The following SLC25A51 variants were observed in gnomAD, a reference collection of about 807,000 sequenced individuals.
SLC25A51 encodes the protein mitochondrial nicotinamide adenine dinucleotide transporter SLC25A51.
SLC25A51 carries 11 observed loss-of-function variants against 19.1 expected under a neutral mutation model. The ratio of observed to expected loss-of-function variants is 0.58; its 90% CI spans 0.36 to 0.96. The LOEUF (loss-of-function observed/expected upper bound fraction) is 0.96, where lower values mean the gene tolerates loss of function less well. SLC25A51 is among the 40% of genes least tolerant of loss of function. The probability of loss-of-function intolerance (pLI) is 0.01; values close to 1 mark genes in which losing one functional copy is unlikely to be tolerated. For missense variants in SLC25A51, 201 were observed against 365.4 expected (o/e 0.55, Z 3.67); for synonymous variants, 105 against 133.6 (o/e 0.79, Z 1.47).
At chr9:37,894,774 C>A (rs975458284) in intron 2 of SLC25A51, among the ~76,000 whole-genome samples, 2 of 152,152 alleles carry the variant, frequency 1.3e-5, no homozygotes, top group African/African-American at 4.8e-5. Context: ...CTCCTCCCAC[C>A]CTCCACCCTC....
At chr9:37,896,727 C>T (rs1042403982) in intron 2 of SLC25A51, among the ~76,000 whole-genome samples, 6 of 152,104 alleles carry the variant, frequency 3.9e-5, no homozygotes, top group African/African-American at 1.2e-4. Flanking sequence ...ACCCAGGAGG[C>T]GGAGGTTGCA....
At chr9:37,891,867 TTTA>T (rs1831596680) in intron 2 of SLC25A51, among the ~76,000 whole-genome samples, 1 of 132,778 alleles carries the variant, frequency 7.5e-6, no homozygotes, top group Non-Finnish European at 1.6e-5. Flanking sequence ...AAAAAAAAAT[TTTA>T]TATATATATA....
intron 2 of SLC25A51, among the ~76,000 whole-genome samples, chr9:37,893,080 G>A (rs1831635066): frequency 6.6e-6 from 1 of 152,062 alleles, no homozygotes; most frequent in Non-Finnish European, 1.5e-5. Context: ...GTTTCACCAT[G>A]TTGCCCAGGC....
intron 2 of SLC25A51, 62 bp downstream of exon 2, chr9:37,899,767 T>C (rs918803830): frequency 1.5e-5 from 1 of 66,918 alleles, no homozygotes; most frequent in African/African-American, 6.8e-5. Context: ...ACCCCCATCA[T>C]ACTGTAGAAC....
downstream of SLC25A51, among the ~76,000 whole-genome samples, chr9:37,886,960 G>A (rs1237316139): frequency 1.3e-5 from 2 of 150,074 alleles, no homozygotes; most frequent in African/African-American, 2.5e-5. Flanking sequence ...TCAGGAGATC[G>A]AGACCATCCT....
downstream of SLC25A51, among the ~76,000 whole-genome samples, chr9:37,882,850 A>ATT (rs796401584): frequency 2.0e-5 from 3 of 148,874 alleles, no homozygotes; most frequent in African/African-American, 7.4e-5. Context: ...TGCCTTTTCA[A>ATT]TTTTTTTTTT....
chr9:37,886,635 G>T (rs1831463180), downstream of SLC25A51, among the ~76,000 whole-genome samples: 1 of 152,180 alleles, frequency 6.6e-6, no homozygotes, highest in Non-Finnish European at 1.5e-5. Context: ...AGGGGGAAAT[G>T]GTTTCCCTCC....
chr9:37,899,124 G>A (rs183807429), intron 2 of SLC25A51, among the ~76,000 whole-genome samples: 1 of 152,320 alleles, frequency 6.6e-6, no homozygotes, highest in Non-Finnish European at 1.5e-5. Flanking sequence ...CTAACAACAT[G>A]TAAAGTGCCC....
intron 2 of SLC25A51, among the ~76,000 whole-genome samples, chr9:37,892,932 T>G (rs549486133): frequency 6.6e-6 from 1 of 152,124 alleles, no homozygotes; most frequent in African/African-American, 2.4e-5. Flanking sequence ...TAAAGACAGA[T>G]TTTTGCTGTG....
chr9:37,895,651 T>C (rs1016081516), intron 2 of SLC25A51, among the ~76,000 whole-genome samples: 2 of 152,206 alleles, frequency 1.3e-5, no homozygotes, highest in African/African-American at 4.8e-5. Context: ...CAAATGAATC[T>C]ATTTTAGTCA....
downstream of SLC25A51, chr9:37,886,434 T>C (rs1477774907): frequency 6.5e-7 from 1 of 1,537,610 alleles, no homozygotes; most frequent in African/African-American, 1.4e-5. Flanking sequence ...AATTCCAGGC[T>C]CTTTCCATAA....
rs747842414 is a variant in SLC25A51 at position 37,888,313 on chromosome 9, A to G, written c.238T>C (p.Leu80=). The change falls in exon 3 of 3, where the codon TTG becomes CTG. Residue 80 remains leucine (L), a synonymous_variant. Coordinates refer to ENST00000242275, the MANE Select transcript of SLC25A51 (RefSeq NM_033412.4). ...LQLRRDGFRN[L]YRGILPPLMQ... ...AATGGGGGAAGGATTCCACGATACA[A>G]ATTTCGAAATCCATCCCTTCTCAAC... 6.2e-7 allele frequency: 1 copy of G among 1,614,196 alleles called. No homozygotes were observed. The highest frequency in any genetic ancestry group is 8.5e-7 in the Non-Finnish European group (1 of 1,180,044).
downstream of SLC25A51, chr9:37,885,683 G>A: frequency 7.7e-7 from 1 of 1,303,652 alleles, no homozygotes. Flanking sequence ...CGAAACCGGA[G>A]AGAGAAGCGG....
At chr9:37,896,284 G>T (rs1319607094) in intron 2 of SLC25A51, among the ~76,000 whole-genome samples, 1 of 151,728 alleles carries the variant, frequency 6.6e-6, no homozygotes, top group Non-Finnish European at 1.5e-5. Context: ...TTTCCACAAA[G>T]AGCCTGGTAT....
chr9:37,889,271 T>A (rs964917869), intron 2 of SLC25A51, among the ~76,000 whole-genome samples: 1 of 152,226 alleles, frequency 6.6e-6, no homozygotes, highest in Non-Finnish European at 1.5e-5. Flanking sequence ...ATTCTATTCA[T>A]ATTTATACTT....
chr9:37,901,967 T>C (rs1831858175), intron 1 of SLC25A51, among the ~76,000 whole-genome samples: 1 of 152,270 alleles, frequency 6.6e-6, no homozygotes, highest in African/African-American at 2.4e-5. Context: ...TGCTTTGCAC[T>C]TCTTCAGTTT....
intron 3 of SLC25A51, among the ~76,000 whole-genome samples, chr9:37,881,057 C>T (rs1831339824): frequency 6.6e-6 from 1 of 152,206 alleles, no homozygotes; most frequent in Admixed American, 6.5e-5. Context: ...ACCTTGCTGT[C>T]CTTATCAGGC....
At chr9:37,881,461 G>A (rs1831348343) in intron 3 of SLC25A51, 1 of 152,172 alleles carries the variant, frequency 6.6e-6, no homozygotes. Flanking sequence ...TTCAAGACCA[G>A]CCTGGGCAAC....
At chr9:37,879,070 C>T (rs1007952445), downstream of SLC25A51, 8 of 353,090 alleles carry the variant, frequency 2.3e-5, no homozygotes, top group Non-Finnish European at 4.0e-5. Context: ...TGATCTTAAT[C>T]ACCGTGAAAA....
Sources: gnomAD v4.1 joint callset for allele counts (sites outside exome capture counted in the v4.1 genomes callset) on GRCh38, gnomAD v4.1.1 for gene constraint, MANE v1.5 for transcripts, NCBI Gene and HGNC (gene_info 2026-07-23, HGNC 2026-07-21) for gene names.